GABRG3: variants seen among roughly 807,000 people sequenced by gnomAD.
The protein encoded by GABRG3 is gamma-aminobutyric acid type A receptor subunit gamma3, also known as gamma-aminobutyric acid receptor subunit gamma-3.
A neutral mutation model predicts 48.8 loss-of-function variants in GABRG3; 25 were observed. That is an observed-to-expected ratio of 0.51 (90% CI 0.37 to 0.72). The LOEUF (loss-of-function observed/expected upper bound fraction) is 0.72. Among genes scored for constraint, GABRG3 ranks in the 30% least tolerant of loss-of-function variants. The probability of loss-of-function intolerance (pLI) is 0.00; values close to 1 mark genes in which losing one functional copy is unlikely to be tolerated. For synonymous variants in GABRG3, 227 were observed against 217.6 expected, an observed-to-expected ratio of 1.04 and a Z score of -0.38; for missense variants, 394 against 577.9, an observed-to-expected ratio of 0.68 and a Z score of 3.26.
chr15:27,250,645 C>T (rs535055508), intron 3 of GABRG3, among the ~76,000 whole-genome samples: 1 of 152,216 alleles, frequency 6.6e-6, no homozygotes, highest in African/African-American at 2.4e-5. Flanking sequence ...CAGGCTAGTC[C>T]CGAACTCCTG....
rs1893887868 is a variant in GABRG3 at position 27,334,131 on chromosome 15, AGCT to A, written c.574+5246_574+5248del. ...AAAATTAATGTGTCTAGCTTAGTAT[AGCT>A]GCAGTATATACCTTTAACTAAACGA... is the stretch of plus-strand genomic sequence containing the variant. On this transcript the variant is annotated intron_variant, in intron 5 of 9. Transcript: ENST00000615808. Among the ~76,000 whole-genome samples the A allele has an allele frequency of 2.0e-5, 3 of 152,376 alleles. No homozygotes were observed. The South Asian group carries it at 6.2e-4, about 32-fold the overall frequency.
chr15:27,191,977 A>T (rs1216811908), intron 3 of GABRG3, among the ~76,000 whole-genome samples: 1 of 150,650 alleles, frequency 6.6e-6, no homozygotes, highest in Admixed American at 6.6e-5. Context: ...TTTCTCCTTC[A>T]CTTATGAAGC....
Position 26,974,487 on chromosome 15 carries a change from C to T in GABRG3, c.54-2515C>T, listed in dbSNP as rs1894900757. ...ACAGGGTGGAGGCTGTGGTCTGGCT[C>T]TGTAGTGGTGGGGGTAGGAGAGGGG... is the stretch of plus-strand genomic sequence containing the variant. On this transcript the variant is annotated intron_variant, in intron 1 of 9. Transcript: ENST00000615808. The surrounding 1 kb of genome is among the most constrained non-coding windows in gnomAD (Gnocchi z 4.3). Among the ~76,000 whole-genome samples, 1 of 151,300 alleles carries T rather than the reference C, an allele frequency of 6.6e-6. No individual in the cohort carries two copies. The highest frequency in any genetic ancestry group is 1.5e-5 in the Non-Finnish European group (1 of 67,910).
At chr15:27,055,701 G>A (rs1020426867) in intron 3 of GABRG3, among the ~76,000 whole-genome samples, 1 of 152,058 alleles carries the variant, frequency 6.6e-6, no homozygotes, top group Non-Finnish European at 1.5e-5. Context: ...TATCTGTATG[G>A]AAATATTTTC....
chr15:27,283,617 G>A (rs1419954010), intron 3 of GABRG3, among the ~76,000 whole-genome samples: 4 of 152,178 alleles, frequency 2.6e-5, no homozygotes, highest in Non-Finnish European at 5.9e-5. Context: ...AAATAAAGGT[G>A]GTCTATCTTG....
In GABRG3 at chr15:27,541,431, A is replaced by C. The variant is rs935081329; in HGVS notation, c.*8550A>C. 3 of 152,448 alleles carry C rather than the reference A, an allele frequency of 2.0e-5. No homozygotes were observed. Among genetic ancestry groups the C allele is most frequent in the Non-Finnish European group, 2.9e-5 (2 of 68,204 alleles). The allele number at this position is 152,448 out of a possible 1,614,324, so 9.4% of individuals were successfully genotyped here. A position where few individuals can be genotyped will look rare whatever the true frequency, so the allele number is the denominator to read the frequency against. ...TGTCAGGGGTCCTGGGAGATGGCCCAGGCAGGAAGGGAAGGAGAGAGGCGC... is the reference window on the plus strand; with the variant it reads ...TGTCAGGGGTCCTGGGAGATGGCCCCGGCAGGAAGGGAAGGAGAGAGGCGC... On this transcript the variant is annotated 3_prime_UTR_variant, in exon 10 of 10. Transcript: ENST00000615808.
Position 26,976,219 on chromosome 15 carries a change from T to A in GABRG3, c.54-783T>A, listed in dbSNP as rs1032727570. On this transcript the variant is annotated intron_variant, in intron 1 of 9. Transcript: ENST00000615808. The surrounding 1 kb of genome is among the most constrained non-coding windows in gnomAD (Gnocchi z 7.8). ...CACACGGGAGAGGAGGCTGTCCAGC[T>A]CCTCCCTGCACAAAACAAGCTCAGA... Among the ~76,000 whole-genome samples the A allele has an allele frequency of 2.0e-5, 3 of 151,938 alleles. No homozygotes were observed.
At chr15:27,497,740 A>G (rs531533891) in intron 6 of GABRG3, among the ~76,000 whole-genome samples, 18 of 152,290 alleles carry the variant, frequency 1.2e-4, no homozygotes, top group African/African-American at 3.6e-4. Flanking sequence ...TTCCTACCCT[A>G]TGAACACCAG....
intron 3 of GABRG3, among the ~76,000 whole-genome samples, chr15:27,038,532 C>T (rs2140695356): frequency 6.6e-6 from 1 of 152,340 alleles, no homozygotes. Flanking sequence ...TTCCCTGGCA[C>T]CACGCTCTTC....
Position 27,299,680 on chromosome 15 carries a change from A to G in GABRG3, c.271-27129A>G, listed in dbSNP as rs1004186418. On this transcript the variant is annotated intron_variant, in intron 3 of 9. Transcript: ENST00000615808. ...ATGGCTGTTGCTGCATCTGGAGCCC[A>G]GAAACACGAAACTCTGAGACAGAGG... Among the ~76,000 whole-genome samples, 4 of 152,160 alleles carry G rather than the reference A, an allele frequency of 2.6e-5. No individual in the cohort carries two copies. The East Asian group carries it at 7.7e-4, about 29-fold the overall frequency.
chr15:27,027,761 CA>C (rs1858498225), intron 3 of GABRG3, among the ~76,000 whole-genome samples: 1 of 152,200 alleles, frequency 6.6e-6, no homozygotes. Context: ...TTATTTCACA[CA>C]ACCTATGTGC....
chr15:27,393,535 C>T (rs918144227), intron 5 of GABRG3, among the ~76,000 whole-genome samples: 1 of 151,982 alleles, frequency 6.6e-6, no homozygotes, highest in Non-Finnish European at 1.5e-5. Context: ...TCTGTATACC[C>T]TTCTATATCT....
intron 3 of GABRG3, among the ~76,000 whole-genome samples, chr15:27,204,061 T>G (rs948780413): frequency 6.6e-6 from 1 of 152,144 alleles, no homozygotes; most frequent in South Asian, 2.1e-4. Context: ...TTTAATTAAG[T>G]CTCACTTGTC....
intron 3 of GABRG3, among the ~76,000 whole-genome samples, chr15:27,133,327 A>G (rs1024717177): frequency 6.6e-5 from 10 of 152,208 alleles, no homozygotes; most frequent in African/African-American, 1.9e-4. Flanking sequence ...ATTAATACCT[A>G]TGAATGTTCG....
chr15:27,198,269 C>A (rs930711515), intron 3 of GABRG3, among the ~76,000 whole-genome samples: 4 of 152,102 alleles, frequency 2.6e-5, no homozygotes, highest in Non-Finnish European at 5.9e-5. Context: ...GGGCTAATAT[C>A]CAGAATCTAC....
chr15:27,018,848 C>T (rs901109415), intron 2 of GABRG3, among the ~76,000 whole-genome samples: 2 of 152,202 alleles, frequency 1.3e-5, no homozygotes, highest in East Asian at 3.9e-4. Context: ...AATTCTTCCA[C>T]TTAGTCCCCA....
At chr15:27,415,324 A>G (rs1275666707) in intron 5 of GABRG3, among the ~76,000 whole-genome samples, 1 of 151,628 alleles carries the variant, frequency 6.6e-6, no homozygotes, top group Non-Finnish European at 1.5e-5. Flanking sequence ...CTCCTAGTGA[A>G]CTCCTGAAGG....
chr15:27,478,589 G>A (rs769964024), intron 5 of GABRG3, among the ~76,000 whole-genome samples: 2 of 152,272 alleles, frequency 1.3e-5, no homozygotes, highest in Admixed American at 1.3e-4. Flanking sequence ...AAGACAATCT[G>A]GCAGTTCCTC....
At chr15:27,092,939 G>T (rs1009255504) in intron 3 of GABRG3, among the ~76,000 whole-genome samples, 4 of 151,910 alleles carry the variant, frequency 2.6e-5, no homozygotes, top group African/African-American at 9.7e-5. Context: ...AGCTGAGTTT[G>T]TAGATTCCTG....
Sources: gnomAD v4.1 joint callset for allele counts (sites outside exome capture counted in the v4.1 genomes callset) on GRCh38, gnomAD v4.1.1 for gene constraint, Gnocchi (gnomAD v3.1) non-coding constraint, MANE v1.5 for transcripts, NCBI Gene and HGNC (gene_info 2026-07-23, HGNC 2026-07-21) for gene names.